EPO: variants seen among roughly 807,000 people sequenced by gnomAD.
EPO encodes epoetin.
EPO carries 12 observed loss-of-function variants against 24.4 expected under a neutral mutation model. The observed-to-expected ratio is 0.49, with a 90% CI of 0.32 to 0.80. EPO has a LOEUF of 0.80. Among genes scored for constraint, EPO ranks in the 30% least tolerant of loss-of-function variants. The probability of loss-of-function intolerance (pLI) is 0.04; values close to 1 mark genes in which losing one functional copy is unlikely to be tolerated. For missense variants in EPO, 210 were observed against 238.0 expected, an observed-to-expected ratio of 0.88 and a Z score of 0.77; for synonymous variants, 107 against 104.0, an observed-to-expected ratio of 1.03 and a Z score of -0.18.
chr7:100,722,002 C>T lies in EPO; in HGVS notation c.200C>T (p.Thr67Ile). The change falls in exon 3 of 5, where the codon ACT (threonine) becomes ATT (isoleucine). Residue 67 changes from threonine to isoleucine, a missense_variant. Physicochemically the swap from Thr to Ile is moderately conservative, Grantham distance 89. Transcript: ENST00000252723. ...AEHCSLNENI[T>I]VPDTKVNFYA... ...CACTGCAGCTTGAATGAGAATATCA[C>T]TGTCCCAGACACCAAAGTTAATTTC... is the stretch of plus-strand genomic sequence containing the variant. 6.2e-7 allele frequency: 1 copy of T among 1,613,166 alleles called. No homozygotes were observed. The highest frequency in any genetic ancestry group is 8.5e-7 in the Non-Finnish European group (1 of 1,179,816).
chr7:100,720,542 C>A lies in EPO; in HGVS notation c.-439C>A, dbSNP rs1806722770. Among the ~76,000 whole-genome samples the A allele has an allele frequency of 6.6e-6, 1 of 152,104 alleles. No individual in the cohort carries two copies. The highest frequency in any genetic ancestry group is 2.4e-5 in the African/African-American group (1 of 41,428). On this transcript the variant is annotated 5_prime_UTR_variant, in exon 1 of 5. Coordinates refer to ENST00000252723, the MANE Select transcript of EPO (RefSeq NM_000799.4). The stretch of plus-strand genomic sequence containing the variant: ...GCACTCCCCTCCCGCGACCCAGGGC[C>A]CGGGAGCAGCCCCCATGACCCACAC...
At position 100,722,773 on chromosome 7, in the gene EPO, A is replaced by G; in HGVS notation, c.356A>G (p.Gln119Arg). 6.2e-7 allele frequency: 1 copy of G among 1,614,054 alleles called. No individual in the cohort carries two copies. Among genetic ancestry groups the G allele is most frequent in the Non-Finnish European group, 8.5e-7 (1 of 1,179,980 alleles). Residue 119 changes from glutamine (Q) to arginine (R), a missense_variant, in exon 4 of 5, where the codon CAG becomes CGG. Transcript: ENST00000252723. ...TCTTCCCAGCCGTGGGAGCCCCTGC[A>G]GCTGCATGTGGATAAAGCCGTCAGT... is the stretch of plus-strand genomic sequence containing the variant. ...VNSSQPWEPL[Q>R]LHVDKAVSGL...
rs80106374 is a variant in EPO at position 100,721,802 on chromosome 7, T to C, written c.159+99T>C. ...ACCTGGCACTTGGTTTGGGGTGGAGTTGGGAAGCTAGACACTGCCCCCCTA... is the reference window on the plus strand; with the variant it reads ...ACCTGGCACTTGGTTTGGGGTGGAGCTGGGAAGCTAGACACTGCCCCCCTA... On this transcript the variant is annotated intron_variant, in intron 2 of 4. Transcript: ENST00000252723. This position sits in a 1 kb window ranked among gnomAD's most constrained non-coding sequence, Gnocchi z 4.0. 23,219 of 1,525,120 alleles carry C rather than the reference T, an allele frequency of 0.015. 204 individuals carry two copies. Among genetic ancestry groups the C allele is most frequent in the Non-Finnish European group, 0.018 (20,497 of 1,138,672 alleles). 94.5% of individuals were successfully genotyped at this position (1,525,120 alleles called of 1,614,324 possible).
Position 100,723,049 on chromosome 7 carries a change from CA to C in EPO, c.501del (p.Lys167AsnfsTer14). On this transcript the variant is annotated frameshift_variant, in exon 5 of 5. Transcript: ENST00000252723. LOFTEE classifies it high-confidence loss of function. ...GAACAATCACTGCTGACACTTTCCG[CA>C]AACTCTTCCGAGTCTACTCCAATTT... is the stretch of plus-strand genomic sequence containing the variant. ...LRTITADTFR[K>X]LFRVYSNFLR... is the part of the protein sequence containing the mutation. 1 of 1,614,176 alleles carries C rather than the reference CA, an allele frequency of 6.2e-7. No individual in the cohort carries two copies. The highest frequency in any genetic ancestry group is 8.5e-7 in the Non-Finnish European group (1 of 1,180,038).
At position 100,723,342 on chromosome 7, in the gene EPO, AC is replaced by A; in HGVS notation, c.*210del. 3.5e-6 allele frequency: 2 copies of A among 566,936 alleles called. No homozygotes were observed. The highest frequency in any genetic ancestry group is 4.7e-5 in the South Asian group (2 of 42,210). 35.1% of individuals were successfully genotyped at this position (566,936 alleles called of 1,614,324 possible). The stretch of plus-strand genomic sequence containing the variant: ...GAGATCTAAGGATGTCACAGGGCCA[AC>A]TTGAGGGCCCAGAGCAGGAAGCATT... On this transcript the variant is annotated 3_prime_UTR_variant, in exon 5 of 5. Coordinates refer to ENST00000252723, the MANE Select transcript of EPO (RefSeq NM_000799.4).
chr7:100,721,430 C>G lies in EPO; in HGVS notation c.14-128C>G, dbSNP rs1212896022. The G allele has an allele frequency of 7.9e-7, 1 of 1,262,986 alleles. No individual in the cohort carries two copies. Among genetic ancestry groups the G allele is most frequent in the Admixed American group, 2.2e-5 (1 of 44,624 alleles). 78.2% of individuals were successfully genotyped at this position (1,262,986 alleles called of 1,614,324 possible). A position where few individuals can be genotyped will look rare whatever the true frequency, so the allele number is the denominator to read the frequency against. On this transcript the variant is annotated intron_variant, in intron 1 of 4. Coordinates refer to ENST00000252723, the MANE Select transcript of EPO (RefSeq NM_000799.4). The surrounding 1 kb of genome is among the most constrained non-coding windows in gnomAD (Gnocchi z 4.0). ...TGAATGAAGGCCAGGGAGGCAGCAC[C>G]TGAGTGCTTGCATGGTTGGGGACAG...
chr7:100,721,494 G>C lies in EPO; in HGVS notation c.14-64G>C. The C allele has an allele frequency of 1.3e-6, 2 of 1,574,264 alleles. No individual in the cohort carries two copies. The highest frequency in any genetic ancestry group is 1.7e-6 in the Non-Finnish European group (2 of 1,157,598). On this transcript the variant is annotated intron_variant, in intron 1 of 4. Coordinates refer to ENST00000252723, the MANE Select transcript of EPO (RefSeq NM_000799.4). This position sits in a 1 kb window ranked among gnomAD's most constrained non-coding sequence, Gnocchi z 4.0. ...GGGCAGAGACGTGGGGATGAAGGAAGCTGTCCTTCCACAGCCACCCTTCTC... is the reference window on the plus strand; with the variant it reads ...GGGCAGAGACGTGGGGATGAAGGAACCTGTCCTTCCACAGCCACCCTTCTC...
In EPO at chr7:100,721,084, G is replaced by A; in HGVS notation, c.13+91G>A. ...CCGGCTATTGGCCAGGAGGTGGCTG[G>A]GTTCAAGGACCGGCGACTTGTCAAG... On this transcript the variant is annotated intron_variant, in intron 1 of 4. Coordinates refer to ENST00000252723, the MANE Select transcript of EPO (RefSeq NM_000799.4). This position sits in a 1 kb window ranked among gnomAD's most constrained non-coding sequence, Gnocchi z 4.0. The A allele has an allele frequency of 2.1e-6, 3 of 1,395,608 alleles. No homozygotes were observed. The highest frequency in any genetic ancestry group is 2.6e-5 in the Admixed American group (1 of 39,134). 86.5% of individuals were successfully genotyped at this position (1,395,608 alleles called of 1,614,324 possible). A position where few individuals can be genotyped will look rare whatever the true frequency, so the allele number is the denominator to read the frequency against.
chr7:100,721,855 C>A lies in EPO; in HGVS notation c.160-107C>A, dbSNP rs551129920. 2.1e-5 allele frequency: 32 copies of A among 1,517,130 alleles called. No homozygotes were observed. The African/African-American group carries it at 4.3e-4, about 20-fold the overall frequency. 94.0% of individuals were successfully genotyped at this position (1,517,130 alleles called of 1,614,324 possible). Reference sequence around the variant, plus strand: ...TAAGAATAAGTCTGGTGGCCCCAAACCATACCTGGAAACTAGGCAAGGAGC... The same window carrying A: ...TAAGAATAAGTCTGGTGGCCCCAAAACATACCTGGAAACTAGGCAAGGAGC... On this transcript the variant is annotated intron_variant, in intron 2 of 4. Transcript: ENST00000252723. The surrounding 1 kb of genome is among the most constrained non-coding windows in gnomAD (Gnocchi z 4.0).
In EPO at chr7:100,721,687, A is replaced by G; in HGVS notation, c.143A>G (p.Glu48Gly). 1 of 1,610,968 alleles carries G rather than the reference A, an allele frequency of 6.2e-7. No homozygotes were observed. The stretch of plus-strand genomic sequence containing the variant: ...GAGAGGTACCTCTTGGAGGCCAAGG[A>G]GGCCGAGAATATCACGGTGAGACCC... Reference protein sequence around the residue: ...VLERYLLEAKEAENITTGCAE... With the variant: ...VLERYLLEAKGAENITTGCAE... The change falls in exon 2 of 5, where the codon GAG (glutamate) becomes GGG (glycine). Residue 48 changes from glutamate (E) to glycine (G), a missense_variant. Physicochemically the swap from Glu to Gly is moderately conservative, Grantham distance 98. Coordinates refer to ENST00000252723, the MANE Select transcript of EPO (RefSeq NM_000799.4). The surrounding 1 kb of genome is among the most constrained non-coding windows in gnomAD (Gnocchi z 4.0).
rs1290110889 is a variant in EPO at position 100,721,938 on chromosome 7, C to G, written c.160-24C>G. 1 of 1,597,446 alleles carries G rather than the reference C, an allele frequency of 6.3e-7. No homozygotes were observed. On this transcript the variant is annotated intron_variant, in intron 2 of 4. Coordinates refer to ENST00000252723, the MANE Select transcript of EPO (RefSeq NM_000799.4). This position sits in a 1 kb window ranked among gnomAD's most constrained non-coding sequence, Gnocchi z 4.0. ...GGCCAGAGCCTTCAGGGACCCTTGA[C>G]TCCCCGGGCTGTGTGCATTTCAGAC...
rs761700728 is a variant in EPO, at chr7:100,722,769, C to T, written c.352C>T (p.Leu118=). 19 of 1,613,976 alleles carry T rather than the reference C, an allele frequency of 1.2e-5. No individual in the cohort carries two copies. Among genetic ancestry groups the T allele is most frequent in the Non-Finnish European group, 1.6e-5 (19 of 1,180,004 alleles). Reference sequence around the variant, plus strand: ...CAACTCTTCCCAGCCGTGGGAGCCCCTGCAGCTGCATGTGGATAAAGCCGT... The same window carrying T: ...CAACTCTTCCCAGCCGTGGGAGCCCTTGCAGCTGCATGTGGATAAAGCCGT... ...LVNSSQPWEP[L]QLHVDKAVSG... Residue 118 remains leucine (L), a synonymous_variant, in exon 4 of 5, where the codon CTG becomes TTG. Coordinates refer to ENST00000252723, the MANE Select transcript of EPO (RefSeq NM_000799.4).
rs1250222346 is a variant in EPO at position 100,721,133 on chromosome 7, G to C, written c.13+140G>C. 4 of 400,974 alleles carry C rather than the reference G, an allele frequency of 1.0e-5. No individual in the cohort carries two copies. The Admixed American group carries it at 1.7e-4, about 17-fold the overall frequency. 24.8% of individuals were successfully genotyped at this position (400,974 alleles called of 1,614,324 possible). A position where few individuals can be genotyped will look rare whatever the true frequency, so the allele number is the denominator to read the frequency against. On this transcript the variant is annotated intron_variant, in intron 1 of 4. Transcript: ENST00000252723. This position sits in a 1 kb window ranked among gnomAD's most constrained non-coding sequence, Gnocchi z 4.0. ...AGGACCCCGGAAGGGGGAGGGGGGTGGGGCAGCCTCCACGTGCCAGCGGGG... is the reference window on the plus strand; with the variant it reads ...AGGACCCCGGAAGGGGGAGGGGGGTCGGGCAGCCTCCACGTGCCAGCGGGG...
chr7:100,722,830 C>T lies in EPO; in HGVS notation c.413C>T (p.Ala138Val), dbSNP rs1806768258. The T allele has an allele frequency of 2.5e-6, 4 of 1,612,998 alleles. No individual in the cohort carries two copies. The highest frequency in any genetic ancestry group is 1.3e-5 in the African/African-American group (1 of 74,856). Residue 138 changes from alanine (A) to valine (V), a missense_variant, in exon 4 of 5, where the codon GCT becomes GTT. Coordinates refer to ENST00000252723, the MANE Select transcript of EPO (RefSeq NM_000799.4). Reference sequence around the variant, plus strand: ...CGCAGCCTCACCACTCTGCTTCGGGCTCTGGGAGCCCAGGTGAGTAGGAGC... The same window carrying T: ...CGCAGCCTCACCACTCTGCTTCGGGTTCTGGGAGCCCAGGTGAGTAGGAGC... The part of the protein sequence containing the change: ...GLRSLTTLLR[A>V]LGAQKEAISP...
intron 3 of EPO, 97 bp downstream of exon 3, chr7:100,722,145 A>G: frequency 8.5e-7 from 1 of 1,181,726 alleles, no homozygotes; most frequent in Non-Finnish European, 1.2e-6. Context: ...GAAAGGTAAA[A>G]TGGAGCAGCA....
chr7:100,721,430 C>T lies in EPO; in HGVS notation c.14-128C>T. The T allele has an allele frequency of 7.9e-7, 1 of 1,263,104 alleles. No individual in the cohort carries two copies. Among genetic ancestry groups the T allele is most frequent in the Non-Finnish European group, 1.1e-6 (1 of 918,072 alleles). The allele number at this position is 1,263,104 out of a possible 1,614,324, so 78.2% of individuals were successfully genotyped here. A position where few individuals can be genotyped will look rare whatever the true frequency, so the allele number is the denominator to read the frequency against. ...TGAATGAAGGCCAGGGAGGCAGCAC[C>T]TGAGTGCTTGCATGGTTGGGGACAG... On this transcript the variant is annotated intron_variant, in intron 1 of 4. Transcript: ENST00000252723. The surrounding 1 kb of genome is among the most constrained non-coding windows in gnomAD (Gnocchi z 4.0).
rs1806732794 is a variant in EPO at position 100,721,087 on chromosome 7, T to C, written c.13+94T>C. 2.0e-6 allele frequency: 2 copies of C among 999,522 alleles called. No individual in the cohort carries two copies. The highest frequency in any genetic ancestry group is 3.3e-5 in the South Asian group (2 of 60,926). 61.9% of individuals were successfully genotyped at this position (999,522 alleles called of 1,614,324 possible). Reference sequence around the variant, plus strand: ...GCTATTGGCCAGGAGGTGGCTGGGTTCAAGGACCGGCGACTTGTCAAGGAC... The same window carrying C: ...GCTATTGGCCAGGAGGTGGCTGGGTCCAAGGACCGGCGACTTGTCAAGGAC... On this transcript the variant is annotated intron_variant, in intron 1 of 4. Coordinates refer to ENST00000252723, the MANE Select transcript of EPO (RefSeq NM_000799.4). The surrounding 1 kb of genome is among the most constrained non-coding windows in gnomAD (Gnocchi z 4.0).
Position 100,722,123 on chromosome 7 carries a change from G to GC in EPO, c.246+75_246+76insC, listed in dbSNP as rs1806751564. 2.2e-6 allele frequency: 3 copies of GC among 1,362,038 alleles called. No individual in the cohort carries two copies. The African/African-American group carries it at 4.4e-5, about 20-fold the overall frequency. The allele number at this position is 1,362,038 out of a possible 1,614,324, so 84.4% of individuals were successfully genotyped here. A position where few individuals can be genotyped will look rare whatever the true frequency, so the allele number is the denominator to read the frequency against. ...CGAGCCTGATTTTGGATGAAAGGGA[G>GC]AATGATCGAGGGAAAGGTAAAATGG... On this transcript the variant is annotated intron_variant, in intron 3 of 4. Coordinates refer to ENST00000252723, the MANE Select transcript of EPO (RefSeq NM_000799.4).
intron 4 of EPO, 25 bp from the exon 5 acceptor site, chr7:100,722,953 C>T (rs752410121): frequency 3.7e-6 from 6 of 1,612,416 alleles, no homozygotes; most frequent in East Asian, 2.2e-5. Flanking sequence ...GGCACTGCAG[C>T]GACCTCCTGT....
Sources: gnomAD v4.1 joint callset for allele counts (sites outside exome capture counted in the v4.1 genomes callset) on GRCh38, gnomAD v4.1.1 for gene constraint, Gnocchi (gnomAD v3.1) non-coding constraint, MANE v1.5 for transcripts, NCBI Gene and HGNC (gene_info 2026-07-23, HGNC 2026-07-21) for gene names.